TRRAP: variants seen among roughly 807,000 people sequenced by gnomAD.
The protein encoded by TRRAP is transformation/transcription domain-associated protein.
TRRAP carries 41 observed loss-of-function variants against 438.8 expected under a neutral mutation model. The observed-to-expected ratio is 0.09, with a 90% CI of 0.07 to 0.12. TRRAP has a LOEUF of 0.12. Among genes scored for constraint, TRRAP ranks in the 10% least tolerant of loss-of-function variants. TRRAP has a pLI of 1.00. For synonymous variants in TRRAP, 1,994 were observed against 1,962.9 expected, an observed-to-expected ratio of 1.02 and a Z score of -0.42; for missense variants, 3,122 against 5,055.1, an observed-to-expected ratio of 0.62 and a Z score of 11.60.
chr7:98,926,922 G>A (rs782347151), intron 22 of TRRAP, among the ~76,000 whole-genome samples: 1 of 152,154 alleles, frequency 6.6e-6, no homozygotes, highest in Non-Finnish European at 1.5e-5. Flanking sequence ...GGGAGGCTGA[G>A]GCAGGAGAAT....
intron 14 of TRRAP, among the ~76,000 whole-genome samples, chr7:98,909,792 C>CTTT (rs1562936546): frequency 6.6e-6 from 1 of 151,794 alleles, no homozygotes; most frequent in African/African-American, 2.4e-5. Flanking sequence ...TAAATCGGCA[C>CTTT]CTTTTCCTTT....
chr7:98,970,082 G>T, intron 51 of TRRAP, 30 bp from the exon 52 acceptor site: 5 of 1,610,368 alleles, frequency 3.1e-6, no homozygotes, highest in Non-Finnish European at 4.2e-6. Flanking sequence ...CGCATGCCTT[G>T]GGTCTGTCTC....
intron 3 of TRRAP, among the ~76,000 whole-genome samples, chr7:98,888,616 A>G (rs1339830428): frequency 1.3e-5 from 2 of 151,872 alleles, no homozygotes; most frequent in Admixed American, 6.6e-5. Flanking sequence ...TGCCTTTTAC[A>G]CTCGTGCTTT....
chr7:98,922,070 A>G, intron 21 of TRRAP, 117 bp downstream of exon 21: 1 of 1,392,628 alleles, frequency 7.2e-7, no homozygotes, highest in Non-Finnish European at 9.8e-7. Flanking sequence ...AACCAGTTGT[A>G]TCAGGTGATC....
chr7:98,914,473 A>C (rs1554409277), intron 18 of TRRAP, among the ~76,000 whole-genome samples: 1 of 152,102 alleles, frequency 6.6e-6, no homozygotes, highest in African/African-American at 2.4e-5. Flanking sequence ...TCCTCAAATA[A>C]TTCATTTTTT....
chr7:98,889,789 A>G (rs782060798), intron 3 of TRRAP, among the ~76,000 whole-genome samples: 2 of 152,104 alleles, frequency 1.3e-5, no homozygotes, highest in Non-Finnish European at 2.9e-5. Context: ...TTCTGGGCTC[A>G]AGGGATCCTC....
Position 98,908,796 on chromosome 7 carries a change from T to G in TRRAP, c.1184T>G (p.Leu395Arg). 3 of 1,598,194 alleles carry G rather than the reference T, an allele frequency of 1.9e-6. No individual in the cohort carries two copies. The highest frequency in any genetic ancestry group is 2.6e-6 in the Non-Finnish European group (3 of 1,172,516). The change falls in exon 14 of 73, where the codon CTC (leucine) becomes CGC (arginine). Residue 395 changes from leucine (L) to arginine (R), a missense_variant. Physicochemically the swap from Leu to Arg is moderately radical, Grantham distance 102. Coordinates refer to ENST00000456197, the MANE Select transcript of TRRAP (RefSeq NM_001375524.1). This position sits in a 1 kb window ranked among gnomAD's most constrained non-coding sequence, Gnocchi z 4.1. ...CGCCAGCACCTGCCCCTCAGCGACC[T>G]CTCCCTCGCCGTCCAGCTCTTCGCC... ...HVRQHLPLSD[L>R]SLAVQLFAKN...
At chr7:98,952,300 C>A (rs1791378425) in intron 39 of TRRAP, among the ~76,000 whole-genome samples, 1 of 152,110 alleles carries the variant, frequency 6.6e-6, no homozygotes, top group Non-Finnish European at 1.5e-5. Flanking sequence ...AAAACTGCAA[C>A]AATTTTTTGA....
chr7:98,954,047 C>A (rs1791474333), intron 40 of TRRAP, among the ~76,000 whole-genome samples: 1 of 152,228 alleles, frequency 6.6e-6, no homozygotes, highest in Non-Finnish European at 1.5e-5. Context: ...GGCCCCAGCC[C>A]ACTTCTCTTA....
intron 45 of TRRAP, among the ~76,000 whole-genome samples, chr7:98,960,076 C>CT (rs1209516752): frequency 1.3e-5 from 2 of 152,006 alleles, no homozygotes; most frequent in African/African-American, 4.8e-5. Context: ...GTTTCTAAAA[C>CT]TTACCTACCA....
At chr7:98,943,274 G>A (rs541521310) in intron 31 of TRRAP, among the ~76,000 whole-genome samples, 1 of 152,232 alleles carries the variant, frequency 6.6e-6, no homozygotes, top group East Asian at 1.9e-4. Context: ...TGAGAATTCT[G>A]GGGGGCTTGA....
chr7:98,977,385 C>T (rs1792710802), intron 56 of TRRAP, among the ~76,000 whole-genome samples: 1 of 152,192 alleles, frequency 6.6e-6, no homozygotes, highest in Non-Finnish European at 1.5e-5. Context: ...TGGTCTCGAA[C>T]TCCTGACCTA....
intron 59 of TRRAP, among the ~76,000 whole-genome samples, chr7:98,982,737 C>A (rs1162069296): frequency 7.2e-6 from 1 of 139,648 alleles, no homozygotes; most frequent in Non-Finnish European, 1.5e-5. Context: ...AGTCTACCTC[C>A]CAGGCTCATA....
intron 67 of TRRAP, among the ~76,000 whole-genome samples, chr7:99,002,732 A>C (rs1025257603): frequency 6.6e-6 from 1 of 152,060 alleles, no homozygotes; most frequent in Non-Finnish European, 1.5e-5. Flanking sequence ...TGAAAAAAAA[A>C]CACACACACA....
intron 26 of TRRAP, among the ~76,000 whole-genome samples, 194 bp from the exon 27 acceptor site, chr7:98,933,047 G>T (rs968281219): frequency 2.7e-5 from 4 of 150,882 alleles, no homozygotes; most frequent in Non-Finnish European, 5.9e-5. Context: ...GAGAGGTTAC[G>T]CTGTACCTTT....
chr7:98,966,037 G>A, intron 49 of TRRAP, 142 bp downstream of exon 49: 2 of 1,032,428 alleles, frequency 1.9e-6, no homozygotes, highest in Non-Finnish European at 2.8e-6. Flanking sequence ...TAATTAAGAT[G>A]GATTTTTGTC....
intron 61 of TRRAP, 35 bp from the exon 62 acceptor site, chr7:98,984,909 C>A (rs1237053533): frequency 1.2e-5 from 18 of 1,442,634 alleles, no homozygotes; most frequent in Non-Finnish European, 1.7e-5. Context: ...TTAGAAATTT[C>A]AAGAACTTTT....
chr7:98,892,116 A>G (rs537323983), intron 4 of TRRAP, among the ~76,000 whole-genome samples: 10 of 152,332 alleles, frequency 6.6e-5, no homozygotes, highest in East Asian at 3.9e-4. Context: ...TTTATCTTCA[A>G]TGAACTCCAT....
chr7:98,965,602 G>A (rs1360392035), intron 48 of TRRAP, 94 bp from the exon 49 acceptor site: 2 of 1,546,558 alleles, frequency 1.3e-6, no homozygotes, highest in African/African-American at 2.7e-5. Context: ...GGGGGAAAAT[G>A]GGCAGAACCC....
Sources: gnomAD v4.1 joint callset for allele counts (sites outside exome capture counted in the v4.1 genomes callset) on GRCh38, gnomAD v4.1.1 for gene constraint, Gnocchi (gnomAD v3.1) non-coding constraint, MANE v1.5 for transcripts, NCBI Gene and HGNC (gene_info 2026-07-23, HGNC 2026-07-21) for gene names.